The following TTLL7 variants were observed in gnomAD, a reference collection of about 807,000 sequenced individuals.
The protein encoded by TTLL7 is tubulin tyrosine ligase like 7, also known as tubulin polyglutamylase TTLL7.
In TTLL7, 53 loss-of-function variants were observed where a neutral mutation model predicts 120.2. The observed-to-expected ratio is 0.44, with a 90% CI of 0.35 to 0.55. The LOEUF (loss-of-function observed/expected upper bound fraction) is 0.55, where lower values mean the gene tolerates loss of function less well. Ranked by LOEUF, TTLL7 falls within the 20% of genes least tolerant of loss-of-function variation. TTLL7 has a pLI of 0.00. For synonymous variants in TTLL7, 353 were observed against 351.7 expected, an observed-to-expected ratio of 1.00 and a Z score of -0.04; for missense variants, 803 against 1,054.7, an observed-to-expected ratio of 0.76 and a Z score of 3.31.
chr1:83,937,763 T>C (rs1329795751), intron 8 of TTLL7, 89 bp downstream of exon 8: 1 of 1,494,972 alleles, frequency 6.7e-7, no homozygotes, highest in Non-Finnish European at 9.2e-7. Flanking sequence ...CCAAGTTCAA[T>C]CAACTCTTAA....
At chr1:83,955,361 T>C (rs928560206) in intron 1 of TTLL7, among the ~76,000 whole-genome samples, 2 of 152,214 alleles carry the variant, frequency 1.3e-5, no homozygotes, top group African/African-American at 4.8e-5. Flanking sequence ...CCAAAATTCA[T>C]GTTGAAACAT....
At chr1:83,911,510 C>T (rs1226619369) in intron 14 of TTLL7, 147 bp from the exon 15 acceptor site, 4 of 663,048 alleles carry the variant, frequency 6.0e-6, no homozygotes, top group Non-Finnish European at 7.7e-6. Flanking sequence ...TGCCATGCTG[C>T]TTAGCCTACA....
At position 83,904,167 on chromosome 1, in the gene TTLL7, G is replaced by A. The variant is rs752094641; in HGVS notation, c.2128-8C>T. 5.0e-5 allele frequency: 80 copies of A among 1,604,266 alleles called. No homozygotes were observed. Among genetic ancestry groups the A allele is most frequent in the Non-Finnish European group, 6.6e-5 (78 of 1,175,066 alleles). ...CTTCCAGTTATCAATGATCTGTTTG[G>A]AAGGAGGAACATTAAGAAATTTACA... On this transcript the variant is annotated splice_polypyrimidine_tract_variant and splice_region_variant and intron_variant, in intron 17 of 20. Transcript: ENST00000260505.
chr1:83,938,105 A>C, intron 7 of TTLL7, 89 bp from the exon 8 acceptor site: 2 of 1,251,186 alleles, frequency 1.6e-6, no homozygotes, highest in Non-Finnish European at 2.3e-6. Context: ...CAAAGACTAA[A>C]GAAAGTTTTA....
intron 9 of TTLL7, 130 bp downstream of exon 9, chr1:83,933,478 C>T: frequency 1.1e-6 from 1 of 917,298 alleles, no homozygotes; most frequent in Non-Finnish European, 1.6e-6. Flanking sequence ...CCTCTTCTTC[C>T]CACTTATTCC....
chr1:83,900,251 A>G (rs1228333885), intron 18 of TTLL7: 1 of 382,332 alleles, frequency 2.6e-6, no homozygotes, highest in Non-Finnish European at 5.1e-6. Context: ...TCTAGAATTA[A>G]AAGAGTCTAG....
chr1:83,909,269 CTT>C (rs71582911), intron 15 of TTLL7, among the ~76,000 whole-genome samples: 33 of 99,248 alleles, frequency 3.3e-4, no homozygotes, highest in Middle Eastern at 8.6e-3. Flanking sequence ...TTTTTTTTTC[CTT>C]TTTTTTTTTT....
At chr1:83,907,392 C>T in intron 16 of TTLL7, 64 bp downstream of exon 16, 1 of 1,437,528 alleles carries the variant, frequency 7.0e-7, no homozygotes, top group Non-Finnish European at 9.7e-7. Context: ...CTCCTCTCAT[C>T]TGATCCCCTT....
In TTLL7 at chr1:83,952,157, TTTGTAACATAG is replaced by T; in HGVS notation, c.25+19_25+29del. 1 of 1,607,892 alleles carries T rather than the reference TTTGTAACATAG, an allele frequency of 6.2e-7. No homozygotes were observed. The highest frequency in any genetic ancestry group is 8.5e-7 in the Non-Finnish European group (1 of 1,174,418). On this transcript the variant is annotated intron_variant, in intron 2 of 20. Transcript: ENST00000260505. ...GTAATGATGTATAACACCTCCATAT[TTTGTAACATAG>T]TTAAGTCAATTTCCCTACCTCCTTC...
In TTLL7 at chr1:83,890,476, C is replaced by T; in HGVS notation, c.2214G>A (p.Leu738=). The change falls in exon 19 of 21, where the codon TTG becomes TTA. Residue 738 remains leucine, a synonymous_variant. Coordinates refer to ENST00000260505, the MANE Select transcript of TTLL7 (RefSeq NM_024686.6). The part of the protein sequence containing the change: ...KLDSVKQRKV[L]DIVKTSIRTV... Reference sequence around the variant, plus strand: ...TACGAATACTTGTTTTCACTATGTCCAAAACCTAGTGGAAAAACCAAAGTA... The same window carrying T: ...TACGAATACTTGTTTTCACTATGTCTAAAACCTAGTGGAAAAACCAAAGTA... 3.7e-6 allele frequency: 6 copies of T among 1,608,006 alleles called. No homozygotes were observed. The highest frequency in any genetic ancestry group is 5.1e-6 in the Non-Finnish European group (6 of 1,177,758).
chr1:83,990,098 G>A (rs569724708), intron 1 of TTLL7, among the ~76,000 whole-genome samples: 216 of 150,452 alleles, frequency 1.4e-3, no homozygotes, highest in African/African-American at 5.0e-3. Context: ...TTTTGGCAGA[G>A]TCTTTAGGGT....
chr1:83,909,196 G>A (rs558796646), intron 15 of TTLL7, among the ~76,000 whole-genome samples: 1 of 143,806 alleles, frequency 7.0e-6, no homozygotes, highest in South Asian at 2.3e-4. Flanking sequence ...TGGTTTGGTT[G>A]TATATAACCT....
At chr1:83,945,398 G>A (rs1046416270) in intron 6 of TTLL7, among the ~76,000 whole-genome samples, 2 of 152,170 alleles carry the variant, frequency 1.3e-5, no homozygotes, top group African/African-American at 4.8e-5. Context: ...AAAAGTCAAT[G>A]CCTCAAAAAT....
chr1:83,944,585 G>A (rs767046529), intron 6 of TTLL7, among the ~76,000 whole-genome samples: 39 of 152,270 alleles, frequency 2.6e-4, no homozygotes, highest in Non-Finnish European at 4.4e-4. Flanking sequence ...GCATACGCCT[G>A]TAATCCCAGC....
Position 83,986,525 on chromosome 1 carries a change from G to A in TTLL7, c.-177+12406C>T, listed in dbSNP as rs561824348. ...TACATAATTAGCATTACATTTAATA[G>A]TGAAAGACTGATTTCCTTCTATGAT... On this transcript the variant is annotated intron_variant, in intron 1 of 20. Coordinates refer to ENST00000260505, the MANE Select transcript of TTLL7 (RefSeq NM_024686.6). Among the ~76,000 whole-genome samples, 65 of 152,280 alleles carry A rather than the reference G, an allele frequency of 4.3e-4. No homozygotes were observed. The South Asian group carries it at 0.013, about 31-fold the overall frequency.
intron 18 of TTLL7, among the ~76,000 whole-genome samples, chr1:83,892,840 A>ATATGTGAACATATATATGAACG (rs1233692600): frequency 0.087 from 1,873 of 21,646 alleles, 45 homozygotes; most frequent in Non-Finnish European, 0.12. Context: ...ATATATGAAC[A>ATATGTGAACATATATATGAACG]CATATATGAG....
At chr1:83,990,452 G>A (rs1479896377) in intron 1 of TTLL7, among the ~76,000 whole-genome samples, 1 of 152,230 alleles carries the variant, frequency 6.6e-6, no homozygotes, top group Non-Finnish European at 1.5e-5. Context: ...TGGGATTACA[G>A]GCGTGAGCCA....
intron 2 of TTLL7, 75 bp downstream of exon 2, chr1:83,952,112 A>G (rs1649122678): frequency 7.2e-6 from 11 of 1,537,794 alleles, no homozygotes; most frequent in Non-Finnish European, 9.8e-6. Context: ...TTAATTTTTA[A>G]TACTTTAAAA....
At chr1:83,870,476 A>T (rs1035551268) in intron 20 of TTLL7, among the ~76,000 whole-genome samples, 17 of 152,238 alleles carry the variant, frequency 1.1e-4, no homozygotes, top group African/African-American at 4.1e-4. Context: ...GGGAGGCGGA[A>T]CCACTGATTA....
Sources: allele counts gnomAD v4.1 joint callset (sites outside exome capture counted in the v4.1 genomes callset), GRCh38; gene constraint gnomAD v4.1.1; transcripts MANE v1.5; gene names NCBI Gene and HGNC (gene_info 2026-07-23, HGNC 2026-07-21).